DOC2A: variants seen among roughly 807,000 people sequenced by gnomAD.
The protein encoded by DOC2A is double C2 domain alpha, also known as double C2-like domain-containing protein alpha.
Under a neutral mutation model 40.6 loss-of-function variants are expected in DOC2A, and 28 were observed. The observed-to-expected ratio is 0.69, with a 90% CI of 0.51 to 0.95. DOC2A has a LOEUF of 0.95. DOC2A is among the 40% of genes least tolerant of loss of function. The probability of loss-of-function intolerance (pLI) is 0.00; values close to 1 mark genes in which losing one functional copy is unlikely to be tolerated. For synonymous variants in DOC2A, 241 were observed against 236.9 expected (o/e 1.02, Z -0.16); for missense variants, 474 against 552.5 (o/e 0.86, Z 1.42).
At position 30,010,522 on chromosome 16, in the gene DOC2A, C is replaced by G; in HGVS notation, c.-13-287G>C. 1 of 502,434 alleles carries G rather than the reference C, an allele frequency of 2.0e-6. No homozygotes were observed. The highest frequency in any genetic ancestry group is 3.6e-5 in the East Asian group (1 of 27,722). 31.1% of individuals were successfully genotyped at this position (502,434 alleles called of 1,614,324 possible). The stretch of plus-strand genomic sequence containing the variant: ...GGTTGTCCCTGTATCATCTTGCCAG[C>G]TCCTTCCTCTCCTCCGGGGCTCCCC... On this transcript the variant is annotated intron_variant, in intron 1 of 10. Coordinates refer to ENST00000350119, the MANE Select transcript of DOC2A (RefSeq NM_003586.3). This position sits in a 1 kb window ranked among gnomAD's most constrained non-coding sequence, Gnocchi z 4.2.
upstream of DOC2A, chr16:30,023,049 A>AT: frequency 3.2e-6 from 1 of 312,570 alleles, no homozygotes; most frequent in Admixed American, 3.9e-5. Context: ...ACCACCCCAA[A>AT]TTGTGCCTGT....
Position 30,010,343 on chromosome 16 carries a change from A to AG in DOC2A, c.-13-109dup. On this transcript the variant is annotated intron_variant, in intron 1 of 10. Coordinates refer to ENST00000350119, the MANE Select transcript of DOC2A (RefSeq NM_003586.3). The surrounding 1 kb of genome is among the most constrained non-coding windows in gnomAD (Gnocchi z 4.2). ...GGGGCCCTCACTGGCCTCCCTTCCT[A>AG]GGTGTCGAGGGAGAGGGTGGTGTGT... The AG allele has an allele frequency of 6.8e-7, 1 of 1,471,184 alleles. No individual in the cohort carries two copies. Among genetic ancestry groups the AG allele is most frequent in the Non-Finnish European group, 9.4e-7 (1 of 1,067,060 alleles). The allele number at this position is 1,471,184 out of a possible 1,614,324, so 91.1% of individuals were successfully genotyped here.
At chr16:30,007,333 G>A (rs2070646005) in intron 5 of DOC2A, 34 bp from the exon 6 acceptor site, 3 of 1,613,352 alleles carry the variant, frequency 1.9e-6, no homozygotes, top group Non-Finnish European at 2.5e-6. Flanking sequence ...GGCCCCTGGG[G>A]TACCTGAGCC....
upstream of DOC2A, among the ~76,000 whole-genome samples, chr16:30,016,311 A>C (rs2070856800): frequency 6.6e-6 from 1 of 151,932 alleles, no homozygotes; most frequent in Admixed American, 6.6e-5. Flanking sequence ...GGCCTCCCAA[A>C]GTGCTGGGAT....
chr16:30,009,699 G>A lies in DOC2A; in HGVS notation c.263-142C>T. ...CAAGAGGCTGAGTGGGCCCATGCGT[G>A]TGTGCGTCTGGGTCCCTGGCTCGGC... On this transcript the variant is annotated intron_variant, in intron 2 of 10. Coordinates refer to ENST00000350119, the MANE Select transcript of DOC2A (RefSeq NM_003586.3). The surrounding 1 kb of genome is among the most constrained non-coding windows in gnomAD (Gnocchi z 4.1). 2.2e-6 allele frequency: 2 copies of A among 900,928 alleles called. No homozygotes were observed. Among genetic ancestry groups the A allele is most frequent in the Non-Finnish European group, 3.5e-6 (2 of 566,510 alleles). 55.8% of individuals were successfully genotyped at this position (900,928 alleles called of 1,614,324 possible). A position where few individuals can be genotyped will look rare whatever the true frequency, so the allele number is the denominator to read the frequency against.
At position 30,009,663 on chromosome 16, in the gene DOC2A, G is replaced by A. The variant is rs372013634; in HGVS notation, c.263-106C>T. On this transcript the variant is annotated intron_variant, in intron 2 of 10. Coordinates refer to ENST00000350119, the MANE Select transcript of DOC2A (RefSeq NM_003586.3). The surrounding 1 kb of genome is among the most constrained non-coding windows in gnomAD (Gnocchi z 4.1). Reference sequence around the variant, plus strand: ...GTGTCTCTCTCTCTTGCCAGCCCGCGAGTGTGAGTGCAAGAGGCTGAGTGG... The same window carrying A: ...GTGTCTCTCTCTCTTGCCAGCCCGCAAGTGTGAGTGCAAGAGGCTGAGTGG... The A allele has an allele frequency of 2.1e-5, 23 of 1,106,258 alleles. No individual in the cohort carries two copies. The highest frequency in any genetic ancestry group is 5.1e-5 in the East Asian group (2 of 38,840). The allele number at this position is 1,106,258 out of a possible 1,614,324, so 68.5% of individuals were successfully genotyped here. A position where few individuals can be genotyped will look rare whatever the true frequency, so the allele number is the denominator to read the frequency against.
At chr16:30,012,863 G>A (rs980273074), upstream of DOC2A, among the ~76,000 whole-genome samples, 20 of 151,242 alleles carry the variant, frequency 1.3e-4, no homozygotes, top group African/African-American at 4.2e-4. Context: ...TAAAAATGCC[G>A]GGCGTGGTGG....
chr16:30,005,938 G>A lies in DOC2A; in HGVS notation c.*248C>T. 1 of 578,910 alleles carries A rather than the reference G, an allele frequency of 1.7e-6. No individual in the cohort carries two copies. Among genetic ancestry groups the A allele is most frequent in the Non-Finnish European group, 3.1e-6 (1 of 327,368 alleles). The allele number at this position is 578,910 out of a possible 1,614,324, so 35.9% of individuals were successfully genotyped here. On this transcript the variant is annotated 3_prime_UTR_variant, in exon 11 of 11. Transcript: ENST00000350119. Reference sequence around the variant, plus strand: ...GGCCTGGGGCCGGGCTCTGAGCACTGCCCGGGTGTGCAGATGATGGGGGGT... The same window carrying A: ...GGCCTGGGGCCGGGCTCTGAGCACTACCCGGGTGTGCAGATGATGGGGGGT...
chr16:30,018,849 C>T (rs1332758788), intron 1 of DOC2A: 1 of 152,238 alleles, frequency 6.6e-6, no homozygotes, highest in Non-Finnish European at 1.5e-5. Flanking sequence ...GAGAAGGAGT[C>T]CTGAGAACTG....
Position 30,009,110 on chromosome 16 carries a change from G to C in DOC2A, c.418-5C>G. The C allele has an allele frequency of 1.2e-6, 2 of 1,611,998 alleles. No homozygotes were observed. The highest frequency in any genetic ancestry group is 1.7e-6 in the Non-Finnish European group (2 of 1,178,514). On this transcript the variant is annotated splice_region_variant and splice_polypyrimidine_tract_variant and intron_variant, in intron 4 of 10. Coordinates refer to ENST00000350119, the MANE Select transcript of DOC2A (RefSeq NM_003586.3). The surrounding 1 kb of genome is among the most constrained non-coding windows in gnomAD (Gnocchi z 4.1). Reference sequence around the variant, plus strand: ...CTTCGTTTTTAGCTTATTGGCCTGGGATGTGGGGATGAAAGGTTCTCAATA... The same window carrying C: ...CTTCGTTTTTAGCTTATTGGCCTGGCATGTGGGGATGAAAGGTTCTCAATA...
chr16:30,006,513 G>C lies in DOC2A; in HGVS notation c.961-4C>G. On this transcript the variant is annotated splice_region_variant and splice_polypyrimidine_tract_variant and intron_variant, in intron 9 of 10. Transcript: ENST00000350119. The surrounding 1 kb of genome is among the most constrained non-coding windows in gnomAD (Gnocchi z 6.2). ...GCTCTATCTCGTAGAAAAACTCCTAGGGACAAGGCCGGCCACCCGTTCGTG... is the reference window on the plus strand; with the variant it reads ...GCTCTATCTCGTAGAAAAACTCCTACGGACAAGGCCGGCCACCCGTTCGTG... 6.2e-7 allele frequency: 1 copy of C among 1,613,794 alleles called. No homozygotes were observed. Among genetic ancestry groups the C allele is most frequent in the Non-Finnish European group, 8.5e-7 (1 of 1,179,930 alleles).
At chr16:30,007,652 C>G in intron 5 of DOC2A, 1 of 386,880 alleles carries the variant, frequency 2.6e-6, no homozygotes, top group Non-Finnish European at 4.9e-6. Context: ...GAGCCTTGGG[C>G]AGCCAGACCA....
upstream of DOC2A, among the ~76,000 whole-genome samples, chr16:30,017,322 C>A (rs1255060598): frequency 2.0e-5 from 3 of 151,526 alleles, no homozygotes; most frequent in Admixed American, 2.0e-4. Flanking sequence ...AATCATTCCA[C>A]CAAAAAGACA....
chr16:30,020,575 G>A (rs1011590194), intron 1 of DOC2A, among the ~76,000 whole-genome samples: 36 of 151,946 alleles, frequency 2.4e-4, no homozygotes, highest in Admixed American at 2.1e-3. Context: ...GGGCGCAGTC[G>A]CACACGCCTG....
intron 1 of DOC2A, among the ~76,000 whole-genome samples, chr16:30,019,169 T>C (rs1234262996): frequency 6.6e-6 from 1 of 152,024 alleles, no homozygotes; most frequent in Admixed American, 6.6e-5. Context: ...AATTAAAAAA[T>C]TAGCTGGGTG....
chr16:30,011,114 G>GGTGA, upstream of DOC2A: 3 of 722,722 alleles, frequency 4.2e-6, no homozygotes, highest in Non-Finnish European at 5.1e-6. Context: ...CTGGGGAGGG[G>GGTGA]GCGGGATCTC....
chr16:30,007,242 G>A lies in DOC2A; in HGVS notation c.585C>T (p.Arg195=), dbSNP rs140372679. Residue 195 remains arginine, a synonymous_variant, in exon 6 of 11, where the codon CGC becomes CGT. Coordinates refer to ENST00000350119, the MANE Select transcript of DOC2A (RefSeq NM_003586.3). ...AAGGCTTGAGGCGGCGGAGGGGCAC[G>A]CGGATCTCCCCAATAAACTCATTGT... ...LSHNEFIGEI[R]VPLRRLKPSQ... 12 of 1,613,846 alleles carry A rather than the reference G, an allele frequency of 7.4e-6. No individual in the cohort carries two copies. Among genetic ancestry groups the A allele is most frequent in the African/African-American group, 5.3e-5 (4 of 74,922 alleles).
upstream of DOC2A, chr16:30,011,051 G>A: frequency 4.1e-6 from 4 of 984,612 alleles, no homozygotes; most frequent in Non-Finnish European, 4.8e-6. Context: ...TGAGCGAGGT[G>A]GAGGCGAGGA....
chr16:30,008,444 A>G (rs1276593941), intron 5 of DOC2A: 1 of 159,520 alleles, frequency 6.3e-6, no homozygotes, highest in African/African-American at 2.4e-5. Flanking sequence ...ACAACAGGAA[A>G]AGTTCAGGAG....
Sources: gnomAD v4.1 joint callset for allele counts (sites outside exome capture counted in the v4.1 genomes callset) on GRCh38, gnomAD v4.1.1 for gene constraint, Gnocchi (gnomAD v3.1) non-coding constraint, MANE v1.5 for transcripts, NCBI Gene and HGNC (gene_info 2026-07-23, HGNC 2026-07-21) for gene names.